The following NEDD1 variants were observed in gnomAD, a reference collection of about 807,000 sequenced individuals.
The protein encoded by NEDD1 is NEDD1 gamma-tubulin ring complex targeting factor, also known as protein NEDD1.
NEDD1 carries 33 observed loss-of-function variants against 74.0 expected under a neutral mutation model. That is an observed-to-expected ratio of 0.45 (90% CI 0.34 to 0.60). The LOEUF is 0.60. NEDD1 is among the 20% of genes least tolerant of loss of function. The probability of loss-of-function intolerance (pLI) is 0.01; values close to 1 mark genes in which losing one functional copy is unlikely to be tolerated. For synonymous variants in NEDD1, 250 were observed against 264.4 expected (o/e 0.95, Z 0.53); for missense variants, 746 against 776.5 (o/e 0.96, Z 0.47).
rs1877144941 is a variant in NEDD1, at chr12:96,936,775, A to G, written c.884A>G (p.Gln295Arg). ...KTISAHKTSV[Q>R]CIAFQYSTVL... ...ATCAGTGCTCACAAGACATCTGTGC[A>G]GTGTATAGCATTTCAGTACTCCACT... The change falls in exon 8 of 16, where the codon CAG becomes CGG. Residue 295 changes from glutamine to arginine, a missense_variant. Gln to Arg is a conservative substitution (Grantham distance 43). Transcript: ENST00000266742. The G allele has an allele frequency of 3.7e-6, 6 of 1,612,242 alleles. No individual in the cohort carries two copies. Among genetic ancestry groups the G allele is most frequent in the African/African-American group, 2.7e-5 (2 of 75,020 alleles).
In NEDD1 at chr12:96,951,480, A is replaced by G. The variant is rs1878700329; in HGVS notation, c.1860A>G (p.Lys620=). ...TGAATTTGCAAGTGGAGATGATTAAACAGTTTCATATGCAACTGGTATGTA... is the reference window on the plus strand; with the variant it reads ...TGAATTTGCAAGTGGAGATGATTAAGCAGTTTCATATGCAACTGGTATGTA... ...DIVNLQVEMI[K]QFHMQLNEMH... Residue 620 remains lysine (K), a synonymous_variant, in exon 15 of 16, where the codon AAA becomes AAG. Transcript: ENST00000266742. The G allele has an allele frequency of 1.3e-6, 2 of 1,553,810 alleles. No homozygotes were observed. Among genetic ancestry groups the G allele is most frequent in the African/African-American group, 2.7e-5 (2 of 73,756 alleles).
At chr12:96,934,224 A>G (rs1340103006) in intron 6 of NEDD1, among the ~76,000 whole-genome samples, 1 of 150,146 alleles carries the variant, frequency 6.7e-6, no homozygotes, top group Non-Finnish European at 1.5e-5. Flanking sequence ...TTTTTCTCCC[A>G]GTATTCCCTT....
Position 96,935,115 on chromosome 12 carries a change from C to T in NEDD1, c.629C>T (p.Ser210Leu), listed in dbSNP as rs755869609. 6.2e-7 allele frequency: 1 copy of T among 1,613,358 alleles called. No individual in the cohort carries two copies. The highest frequency in any genetic ancestry group is 1.1e-5 in the South Asian group (1 of 91,072). The change falls in exon 7 of 16, where the codon TCA (serine) becomes TTA (leucine). Residue 210 changes from serine (S) to leucine (L), a missense_variant. Physicochemically the swap from Ser to Leu is moderately radical, Grantham distance 145. Around this residue, in one of 3 missense-constraint regions of NEDD1, gnomAD observed 706 missense variants for 706.7 expected, o/e 1.00. Transcript: ENST00000266742. ...GACAGTGTACACAAAGCTCCAGCGT[C>T]AGGCATCTGTTTTTCTCCTGTCAAT... is the stretch of plus-strand genomic sequence containing the variant. ...NFDSVHKAPA[S>L]GICFSPVNEL...
chr12:96,919,092 T>A (rs1179534106), intron 5 of NEDD1, among the ~76,000 whole-genome samples: 1 of 152,222 alleles, frequency 6.6e-6, no homozygotes, highest in Non-Finnish European at 1.5e-5. Context: ...TGTTAAAAAC[T>A]CTTCTCCCAA....
chr12:96,944,514 TC>T, intron 12 of NEDD1, 124 bp from the exon 13 acceptor site: 1 of 516,152 alleles, frequency 1.9e-6, no homozygotes, highest in South Asian at 3.5e-5. Context: ...CTATATCTCT[TC>T]CTATTTTCCT....
At chr12:96,947,729 A>G (rs1442184547) in intron 14 of NEDD1, among the ~76,000 whole-genome samples, 1 of 152,076 alleles carries the variant, frequency 6.6e-6, no homozygotes, top group Non-Finnish European at 1.5e-5. Flanking sequence ...GGGTGGCTGG[A>G]GCTTGTTTTT....
chr12:96,932,487 T>TAA (rs1876645395), intron 6 of NEDD1, among the ~76,000 whole-genome samples: 4 of 75,052 alleles, frequency 5.3e-5, no homozygotes, highest in Non-Finnish European at 1.0e-4. Context: ...TATATATATA[T>TAA]AAAATGCACA....
At chr12:96,919,481 C>G (rs1383308020) in intron 5 of NEDD1, among the ~76,000 whole-genome samples, 1 of 152,168 alleles carries the variant, frequency 6.6e-6, no homozygotes, top group African/African-American at 2.4e-5. Context: ...CTCACAGATG[C>G]CTTGCTCATT....
chr12:96,931,910 A>G (rs553930788), intron 6 of NEDD1, among the ~76,000 whole-genome samples: 1 of 152,038 alleles, frequency 6.6e-6, no homozygotes, highest in Admixed American at 6.6e-5. Context: ...GATAAAAAAA[A>G]TTTTTTTCTA....
chr12:96,924,967 C>G, intron 6 of NEDD1: 1 of 389,650 alleles, frequency 2.6e-6, no homozygotes, highest in South Asian at 2.0e-5. Context: ...TATCCTTTAT[C>G]TTATTAGGGT....
At chr12:96,920,159 A>G in intron 6 of NEDD1, 34 bp downstream of exon 6, 2 of 1,404,238 alleles carry the variant, frequency 1.4e-6, no homozygotes, top group Non-Finnish European at 1.9e-6. Context: ...TAAAATTGGT[A>G]AGATAGATTT....
At chr12:96,939,969 G>T (rs781367859) in intron 9 of NEDD1, among the ~76,000 whole-genome samples, 9 of 151,962 alleles carry the variant, frequency 5.9e-5, no homozygotes, top group Non-Finnish European at 8.8e-5. Context: ...GAATCCTGCT[G>T]TATGTTAGGC....
rs774226095 is a variant in NEDD1, at chr12:96,917,694, A to C, written c.305A>C (p.Asn102Thr). 6.4e-7 allele frequency: 1 copy of C among 1,562,692 alleles called. No individual in the cohort carries two copies. Among genetic ancestry groups the C allele is most frequent in the Non-Finnish European group, 8.6e-7 (1 of 1,164,706 alleles). Residue 102 changes from asparagine to threonine, a missense_variant, in exon 5 of 16, where the codon AAT becomes ACT. Around this residue, in one of 3 missense-constraint regions of NEDD1, gnomAD observed 706 missense variants for 706.7 expected, o/e 1.00. Transcript: ENST00000266742. ...LVSGGLNNTV[N>T]IWDLKSKRVH... The stretch of plus-strand genomic sequence containing the variant: ...AGCGGAGGCCTAAATAACACTGTTA[A>C]TATTTGGGATTTAAAATCAAAAAGA...
chr12:96,917,757 T>C lies in NEDD1; in HGVS notation c.348+20T>C. The C allele has an allele frequency of 6.5e-7, 1 of 1,540,946 alleles. No individual in the cohort carries two copies. The highest frequency in any genetic ancestry group is 1.4e-5 in the African/African-American group (1 of 70,038). ...CTTAAGGTAAGCAATTTAAAAAAAATCTTCATGAAAAAATGGATATCTTAA... is the reference window on the plus strand; with the variant it reads ...CTTAAGGTAAGCAATTTAAAAAAAACCTTCATGAAAAAATGGATATCTTAA... On this transcript the variant is annotated intron_variant, in intron 5 of 15. Coordinates refer to ENST00000266742, the MANE Select transcript of NEDD1 (RefSeq NM_152905.4).
At chr12:96,944,863 G>A (rs925333897) in intron 13 of NEDD1, 68 bp downstream of exon 13, 4 of 1,188,508 alleles carry the variant, frequency 3.4e-6, no homozygotes, top group African/African-American at 1.6e-5. Context: ...TATTTAACTT[G>A]TAAAGGAGAA....
intron 14 of NEDD1, among the ~76,000 whole-genome samples, chr12:96,947,261 G>C (rs1349778288): frequency 1.9e-4 from 29 of 152,120 alleles, no homozygotes; most frequent in Admixed American, 1.9e-3. Flanking sequence ...TAGTAGAACT[G>C]TCTGGATACA....
rs1177796643 is a variant in NEDD1, at chr12:96,952,176, G to C, written c.*123G>C. On this transcript the variant is annotated 3_prime_UTR_variant, in exon 16 of 16. Coordinates refer to ENST00000266742, the MANE Select transcript of NEDD1 (RefSeq NM_152905.4). ...AATGTTTTTCAAGTAAGAGTAAAAG[G>C]ATGATGGGATTTTATACCAACAACT... 1.6e-6 allele frequency: 1 copy of C among 622,410 alleles called. No homozygotes were observed. Among genetic ancestry groups the C allele is most frequent in the Non-Finnish European group, 2.8e-6 (1 of 351,026 alleles). 38.6% of individuals were successfully genotyped at this position (622,410 alleles called of 1,614,324 possible). A position where few individuals can be genotyped will look rare whatever the true frequency, so the allele number is the denominator to read the frequency against.
At chr12:96,934,864 G>T in intron 6 of NEDD1, 112 bp from the exon 7 acceptor site, 1 of 713,894 alleles carries the variant, frequency 1.4e-6, no homozygotes, top group South Asian at 1.7e-5. Flanking sequence ...ACACATCAGA[G>T]AAATCCTAAA....
intron 5 of NEDD1, among the ~76,000 whole-genome samples, chr12:96,919,077 C>T (rs1034556588): frequency 3.3e-5 from 5 of 152,184 alleles, no homozygotes; most frequent in Non-Finnish European, 5.9e-5. Flanking sequence ...GATATGGCAT[C>T]TTCCTGTTAA....
Sources: allele counts gnomAD v4.1 joint callset (sites outside exome capture counted in the v4.1 genomes callset), GRCh38; gene constraint gnomAD v4.1.1; regional missense constraint gnomAD v4.1.1; transcripts MANE v1.5; gene names NCBI Gene and HGNC (gene_info 2026-07-23, HGNC 2026-07-21).